The following FAM168A variants were observed in gnomAD, a reference collection of about 807,000 sequenced individuals.
FAM168A encodes the protein family with sequence similarity 168 member A, also known as protein FAM168A.
Under a neutral mutation model 28.5 loss-of-function variants are expected in FAM168A, and 3 were observed. The observed-to-expected ratio is 0.11, with a 90% CI of 0.05 to 0.27. The LOEUF is 0.27. Ranked by LOEUF, FAM168A falls within the 10% of genes least tolerant of loss-of-function variation. The pLI is 1.00. For synonymous variants in FAM168A, 122 were observed against 124.2 expected (o/e 0.98, Z 0.12); for missense variants, 222 against 311.5 (o/e 0.71, Z 2.16).
chr11:73,460,841 C>T (rs1158298759), intron 2 of FAM168A, among the ~76,000 whole-genome samples: 1 of 152,102 alleles, frequency 6.6e-6, no homozygotes, highest in African/African-American at 2.4e-5. Flanking sequence ...CACTATTATC[C>T]CTACTTTATA....
chr11:73,463,071 C>A (rs190378195), intron 2 of FAM168A, among the ~76,000 whole-genome samples: 65 of 152,116 alleles, frequency 4.3e-4, no homozygotes, highest in African/African-American at 1.4e-3. Context: ...CAGGTTCCAG[C>A]GATTCTCATG....
At chr11:73,484,881 A>T (rs1012209925) in intron 1 of FAM168A, among the ~76,000 whole-genome samples, 1 of 151,908 alleles carries the variant, frequency 6.6e-6, no homozygotes, top group Non-Finnish European at 1.5e-5. Context: ...ATGTTCAAGG[A>T]CAGGAAGCAT....
At chr11:73,536,985 G>A (rs1337629859) in intron 1 of FAM168A, among the ~76,000 whole-genome samples, 1 of 152,174 alleles carries the variant, frequency 6.6e-6, no homozygotes, top group African/African-American at 2.4e-5. Flanking sequence ...CATGTAGTTA[G>A]ATTTTTGTAT....
chr11:73,552,086 A>G (rs1565295194), intron 1 of FAM168A, among the ~76,000 whole-genome samples: 1 of 152,218 alleles, frequency 6.6e-6, no homozygotes, highest in Non-Finnish European at 1.5e-5. Context: ...TTGACCTCAC[A>G]GTGCCTTAGC....
chr11:73,582,084 T>C (rs1426009681), intron 1 of FAM168A, among the ~76,000 whole-genome samples: 1 of 152,140 alleles, frequency 6.6e-6, no homozygotes, highest in Non-Finnish European at 1.5e-5. Context: ...TACACCTTAC[T>C]CATCTCCGTG....
intron 2 of FAM168A, among the ~76,000 whole-genome samples, chr11:73,464,963 T>G (rs747711226): frequency 5.4e-4 from 82 of 151,962 alleles, no homozygotes; most frequent in Non-Finnish European, 8.2e-4. Flanking sequence ...GGGTCTGTAA[T>G]CTAAGTCACT....
chr11:73,450,805 A>G (rs1461493350), intron 2 of FAM168A, among the ~76,000 whole-genome samples: 2 of 152,216 alleles, frequency 1.3e-5, no homozygotes, highest in Non-Finnish European at 2.9e-5. Context: ...CTCTTAAAAA[A>G]GATGCTTTGA....
intron 1 of FAM168A, among the ~76,000 whole-genome samples, chr11:73,550,361 A>G (rs1373274618): frequency 6.6e-6 from 1 of 152,246 alleles, no homozygotes; most frequent in Admixed American, 6.5e-5. Flanking sequence ...TAAGTTTTAA[A>G]GGGTAATTAA....
chr11:73,548,209 G>A (rs561007326), intron 1 of FAM168A, among the ~76,000 whole-genome samples: 1 of 151,920 alleles, frequency 6.6e-6, no homozygotes, highest in Non-Finnish European at 1.5e-5. Flanking sequence ...ACTTAAAAAT[G>A]GTTAAGACAG....
chr11:73,447,928 C>T (rs1346325913), intron 2 of FAM168A, among the ~76,000 whole-genome samples: 1 of 152,210 alleles, frequency 6.6e-6, no homozygotes, highest in African/African-American at 2.4e-5. Flanking sequence ...AAGTTACTTC[C>T]ACTCACTGAG....
chr11:73,558,144 T>C (rs1399324601), intron 1 of FAM168A, among the ~76,000 whole-genome samples: 4 of 152,096 alleles, frequency 2.6e-5, no homozygotes, highest in Non-Finnish European at 5.9e-5. Context: ...TAAACTGGAC[T>C]TCATCAAAAT....
At chr11:73,485,336 C>CCAT (rs1358473096) in intron 1 of FAM168A, among the ~76,000 whole-genome samples, 2 of 152,150 alleles carry the variant, frequency 1.3e-5, no homozygotes, top group African/African-American at 4.8e-5. Flanking sequence ...ACAGACCCTG[C>CCAT]CATCAGGTTT....
At chr11:73,525,107 C>G (rs1251098267) in intron 1 of FAM168A, among the ~76,000 whole-genome samples, 1 of 151,514 alleles carries the variant, frequency 6.6e-6, no homozygotes, top group Non-Finnish European at 1.5e-5. Flanking sequence ...TCCATTCCCT[C>G]TCTTTTTTGG....
chr11:73,534,340 C>G (rs1453221309), intron 1 of FAM168A, among the ~76,000 whole-genome samples: 1 of 152,084 alleles, frequency 6.6e-6, no homozygotes, highest in African/African-American at 2.4e-5. Flanking sequence ...CCTGTAGAAG[C>G]CACACAAGGC....
At chr11:73,463,051 C>G (rs766558574) in intron 2 of FAM168A, among the ~76,000 whole-genome samples, 3 of 152,012 alleles carry the variant, frequency 2.0e-5, no homozygotes, top group Non-Finnish European at 4.4e-5. Context: ...TCACTGCAAC[C>G]TCCACCTCCC....
Position 73,569,744 on chromosome 11 carries a change from C to G in FAM168A, c.-19+28179G>C, listed in dbSNP as rs565601578. On this transcript the variant is annotated intron_variant, in intron 1 of 7. Transcript: ENST00000356467. ...GGCTGAGGCAGAAGAATCACTTGAA[C>G]CCGGGGGGATCGGAGGTTGCAGTGA... 2.5e-3 allele frequency among the ~76,000 whole-genome samples: 375 copies of G among 152,050 alleles called. 1 individual carries two copies. The highest frequency in any genetic ancestry group is 3.8e-3 in the Non-Finnish European group (259 of 68,004).
chr11:73,501,004 C>T (rs1373303949), intron 1 of FAM168A, among the ~76,000 whole-genome samples: 1 of 140,548 alleles, frequency 7.1e-6, no homozygotes, highest in Non-Finnish European at 1.5e-5. Context: ...ATTTACCAAG[C>T]AAATGGAAAG....
chr11:73,442,421 C>T (rs1014570820), intron 2 of FAM168A, among the ~76,000 whole-genome samples: 2 of 152,206 alleles, frequency 1.3e-5, no homozygotes, highest in South Asian at 2.1e-4. Context: ...CCACCGCGCC[C>T]GGCCTCTTCT....
rs957797896 is a variant in FAM168A at position 73,405,937 on chromosome 11, G to C, written c.*826C>G. 2.0e-5 allele frequency: 3 copies of C among 152,704 alleles called. No homozygotes were observed. The highest frequency in any genetic ancestry group is 2.0e-4 in the Admixed American group (3 of 15,278). The allele number at this position is 152,704 out of a possible 1,614,324, so 9.5% of individuals were successfully genotyped here. A position where few individuals can be genotyped will look rare whatever the true frequency, so the allele number is the denominator to read the frequency against. ...GCTGGGATCCTACCACCCTGCAGCC[G>C]CTTGGCAGGTCTAAGGACAAAATCA... On this transcript the variant is annotated 3_prime_UTR_variant, in exon 8 of 8. Transcript: ENST00000356467.
Sources: gnomAD v4.1 joint callset for allele counts (sites outside exome capture counted in the v4.1 genomes callset) on GRCh38, gnomAD v4.1.1 for gene constraint, MANE v1.5 for transcripts, NCBI Gene and HGNC (gene_info 2026-07-23, HGNC 2026-07-21) for gene names.